PPP1R12B: variants seen among roughly 807,000 people sequenced by gnomAD.
PPP1R12B encodes myosin phosphatase target subunit 2.
Under a neutral mutation model 126.1 loss-of-function variants are expected in PPP1R12B, and 76 were observed. The observed-to-expected ratio is 0.60, with a 90% confidence interval of 0.50 to 0.73. The LOEUF (loss-of-function observed/expected upper bound fraction) is 0.73. PPP1R12B is among the 30% of genes least tolerant of loss of function. The pLI, the probability that PPP1R12B is intolerant of heterozygous loss-of-function variation, is 0.00. For synonymous variants in PPP1R12B, 356 were observed against 434.7 expected (o/e 0.82, Z 2.25); for missense variants, 1,052 against 1,205.1 (o/e 0.87, Z 1.88).
At chr1:202,378,081 G>T (rs1307496460) in intron 1 of PPP1R12B, among the ~76,000 whole-genome samples, 5 of 151,334 alleles carry the variant, frequency 3.3e-5, no homozygotes, top group Non-Finnish European at 5.9e-5. Context: ...CTCGTGATCC[G>T]CCCGCCTCAG....
intron 1 of PPP1R12B, among the ~76,000 whole-genome samples, chr1:202,394,689 C>T (rs1469744393): frequency 6.6e-6 from 1 of 151,000 alleles, no homozygotes; most frequent in African/African-American, 2.4e-5. Flanking sequence ...ATGAGGCGGA[C>T]GTTGCGGTGA....
At chr1:202,549,088 T>C (rs1156291155) in intron 18 of PPP1R12B, among the ~76,000 whole-genome samples, 1 of 152,236 alleles carries the variant, frequency 6.6e-6, no homozygotes, top group East Asian at 1.9e-4. Context: ...AAGTTCCCTA[T>C]TGGGGGTATG....
chr1:202,470,340 TA>T (rs1244003719), intron 13 of PPP1R12B, among the ~76,000 whole-genome samples: 4 of 152,000 alleles, frequency 2.6e-5, no homozygotes, highest in Admixed American at 2.0e-4. Flanking sequence ...ACTATGGTAA[TA>T]AAAAAAAGTG....
intron 13 of PPP1R12B, among the ~76,000 whole-genome samples, chr1:202,474,155 C>T (rs888528508): frequency 9.2e-5 from 14 of 152,248 alleles, no homozygotes; most frequent in African/African-American, 2.4e-4. Context: ...AGCATTATAT[C>T]GTACTACTTA....
At chr1:202,555,602 G>C (rs1036702616) in intron 18 of PPP1R12B, among the ~76,000 whole-genome samples, 1 of 152,008 alleles carries the variant, frequency 6.6e-6, no homozygotes, top group Non-Finnish European at 1.5e-5. Flanking sequence ...TTCAATAGGA[G>C]GAGGAAAAGG....
chr1:202,557,768 C>A (rs1192736786), intron 18 of PPP1R12B, among the ~76,000 whole-genome samples: 1 of 152,160 alleles, frequency 6.6e-6, no homozygotes, highest in Non-Finnish European at 1.5e-5. Context: ...ATGAGTATAA[C>A]CCCTGATTTA....
At chr1:202,562,158 T>C (rs1687593848) in intron 19 of PPP1R12B, among the ~76,000 whole-genome samples, 2 of 152,212 alleles carry the variant, frequency 1.3e-5, no homozygotes, top group Non-Finnish European at 1.5e-5. Context: ...AAGAGCTCAG[T>C]TGCTAAAATA....
intron 23 of PPP1R12B, among the ~76,000 whole-genome samples, chr1:202,571,747 C>T (rs772807996): frequency 6.6e-5 from 10 of 152,212 alleles, no homozygotes; most frequent in South Asian, 2.1e-4. Flanking sequence ...TGAGCCATCG[C>T]GTCTGGCCAG....
intron 1 of PPP1R12B, among the ~76,000 whole-genome samples, chr1:202,390,185 A>T (rs1303261147): frequency 1.3e-5 from 2 of 152,200 alleles, no homozygotes; most frequent in Non-Finnish European, 2.9e-5. Flanking sequence ...CTGGGGAAGG[A>T]ATAGTGTTTT....
At chr1:202,452,582 G>C (rs555405442) in intron 13 of PPP1R12B, among the ~76,000 whole-genome samples, 4 of 152,040 alleles carry the variant, frequency 2.6e-5, no homozygotes, top group Non-Finnish European at 4.4e-5. Context: ...GAGAGGAGGA[G>C]GGGGAGGGGG....
chr1:202,547,698 G>C (rs1368818073), intron 18 of PPP1R12B, among the ~76,000 whole-genome samples: 4 of 152,150 alleles, frequency 2.6e-5, no homozygotes, highest in Non-Finnish European at 5.9e-5. Context: ...TACATGGTTG[G>C]TTGTCTGGAA....
chr1:202,550,380 CA>C (rs1686184554), intron 18 of PPP1R12B, among the ~76,000 whole-genome samples: 1 of 152,148 alleles, frequency 6.6e-6, no homozygotes, highest in African/African-American at 2.4e-5. Flanking sequence ...TAATGGTGGT[CA>C]GTAACATCAT....
Position 202,427,044 on chromosome 1 carries a change from T to C in PPP1R12B, c.706T>C (p.Leu236=), listed in dbSNP as rs774363784. 3 of 1,609,822 alleles carry C rather than the reference T, an allele frequency of 1.9e-6. No individual in the cohort carries two copies. Among genetic ancestry groups the C allele is most frequent in the East Asian group, 4.5e-5 (2 of 44,862 alleles). The part of the protein sequence containing the change: ...AKGYSEVLRL[L]IQAGYELNVQ... ...TGTTTTGGGTTTTCTTTTTAGACTTTTAATTCAGGCTGGCTATGAACTCAA... is the reference window on the plus strand; with the variant it reads ...TGTTTTGGGTTTTCTTTTTAGACTTCTAATTCAGGCTGGCTATGAACTCAA... The change falls in exon 5 of 24, where the codon TTA becomes CTA. Residue 236 remains leucine, a synonymous_variant. Transcript: ENST00000608999.
intron 18 of PPP1R12B, among the ~76,000 whole-genome samples, chr1:202,500,218 G>GCTCTCTCTCTCTCTCTCT (rs151303629): frequency 6.8e-6 from 1 of 146,158 alleles, no homozygotes; most frequent in Non-Finnish European, 1.5e-5. Flanking sequence ...TCTCTCTCTT[G>GCTCTCTCTCTCTCTCTCT]CTCTCTCTCT....
At chr1:202,456,537 C>T (rs1443821564) in intron 13 of PPP1R12B, among the ~76,000 whole-genome samples, 1 of 152,126 alleles carries the variant, frequency 6.6e-6, no homozygotes. Context: ...GATTTTAATG[C>T]CGTGTGTGTA....
chr1:202,544,129 G>A (rs960366217), intron 18 of PPP1R12B, among the ~76,000 whole-genome samples: 2 of 152,068 alleles, frequency 1.3e-5, no homozygotes, highest in Non-Finnish European at 2.9e-5. Context: ...CTCATACCAC[G>A]AAACAACCCT....
chr1:202,566,353 A>C (rs956540247), intron 21 of PPP1R12B, among the ~76,000 whole-genome samples: 3 of 152,234 alleles, frequency 2.0e-5, no homozygotes, highest in African/African-American at 7.2e-5. Context: ...GAAATTCATA[A>C]GAAATGGTGC....
chr1:202,367,578 A>T lies in PPP1R12B; in HGVS notation c.291+18436A>T, dbSNP rs189749738. Among the ~76,000 whole-genome samples, 4 of 152,252 alleles carry T rather than the reference A, an allele frequency of 2.6e-5. No homozygotes were observed. In the East Asian group the frequency reaches 7.7e-4, roughly 29 times the overall value. The stretch of plus-strand genomic sequence containing the variant: ...AGGAATAGATGCTTAAGGGCCTCAC[A>T]TCTGTTTTTCCTTCTGCCTGGAATG... On this transcript the variant is annotated intron_variant, in intron 1 of 23. Transcript: ENST00000608999.
intron 14 of PPP1R12B, among the ~76,000 whole-genome samples, chr1:202,490,172 G>A (rs1678672203): frequency 6.6e-6 from 1 of 152,240 alleles, no homozygotes; most frequent in African/African-American, 2.4e-5. Flanking sequence ...AAAAGAAGCA[G>A]CAGGAGCGGT....
Sources: gnomAD v4.1 joint callset for allele counts (sites outside exome capture counted in the v4.1 genomes callset) on GRCh38, gnomAD v4.1.1 for gene constraint, MANE v1.5 for transcripts, NCBI Gene and HGNC (gene_info 2026-07-23, HGNC 2026-07-21) for gene names.